The following PDE4B variants were observed in gnomAD, a reference collection of about 807,000 sequenced individuals.
PDE4B encodes the protein phosphodiesterase 4B, also known as 3',5'-cyclic-AMP phosphodiesterase 4B.
In PDE4B, 20 loss-of-function variants were observed where a neutral mutation model predicts 82.2. The ratio of observed to expected loss-of-function variants is 0.24; its 90% confidence interval spans 0.17 to 0.35. The LOEUF (loss-of-function observed/expected upper bound fraction) is 0.35. PDE4B is among the 10% of genes least tolerant of loss of function. The probability of loss-of-function intolerance (pLI) is 1.00; values close to 1 mark genes in which losing one functional copy is unlikely to be tolerated. For synonymous variants in PDE4B, 320 were observed against 318.9 expected, an observed-to-expected ratio of 1.00 and a Z score of -0.04; for missense variants, 655 against 907.2, an observed-to-expected ratio of 0.72 and a Z score of 3.57.
At chr1:66,322,904 A>C (rs1353177719) in intron 7 of PDE4B, among the ~76,000 whole-genome samples, 1 of 152,146 alleles carries the variant, frequency 6.6e-6, no homozygotes, top group Admixed American at 6.5e-5. Flanking sequence ...TGAGGAAATT[A>C]AGGCTTAGAG....
At chr1:66,288,947 T>C (rs559328954) in intron 7 of PDE4B, among the ~76,000 whole-genome samples, 1 of 152,338 alleles carries the variant, frequency 6.6e-6, no homozygotes, top group South Asian at 2.1e-4. Flanking sequence ...TGGTTTCAAC[T>C]GCACAGATTA....
chr1:66,080,819 G>A (rs1387126472), intron 3 of PDE4B, among the ~76,000 whole-genome samples: 1 of 152,048 alleles, frequency 6.6e-6, no homozygotes. Flanking sequence ...ATTGTATAAC[G>A]CTGAGGTTTG....
At chr1:66,232,876 C>T (rs141285451) in intron 3 of PDE4B, among the ~76,000 whole-genome samples, 2 of 152,132 alleles carry the variant, frequency 1.3e-5, no homozygotes, top group East Asian at 1.9e-4. Context: ...ATGGAGACAG[C>T]AATAAAGACA....
rs1651000095 is a variant in PDE4B, at chr1:65,987,231, C to T, written c.281+68396C>T. On this transcript the variant is annotated intron_variant, in intron 3 of 16. Transcript: ENST00000341517. ...ATGCTCAAGCATCTAGGATACAAGC[C>T]TCCCACCTAGGATTCAGGTGACTCT... 1.3e-5 allele frequency among the ~76,000 whole-genome samples: 2 copies of T among 152,122 alleles called. 1 individual carries two copies. The highest frequency in any genetic ancestry group is 4.2e-4 in the South Asian group (2 of 4,816).
intron 3 of PDE4B, among the ~76,000 whole-genome samples, chr1:66,229,146 T>G (rs1415856079): frequency 6.7e-6 from 1 of 150,032 alleles, no homozygotes; most frequent in Non-Finnish European, 1.5e-5. Context: ...TAGCTAGGAT[T>G]ACAGGCGCCC....
At chr1:66,271,416 T>C (rs1342956995) in intron 7 of PDE4B, among the ~76,000 whole-genome samples, 1 of 152,178 alleles carries the variant, frequency 6.6e-6, no homozygotes, top group South Asian at 2.1e-4. Flanking sequence ...GAATCATGCA[T>C]GTTAGTAAGT....
At chr1:65,856,450 G>A (rs183875666) in intron 1 of PDE4B, among the ~76,000 whole-genome samples, 1 of 152,208 alleles carries the variant, frequency 6.6e-6, no homozygotes, top group African/African-American at 2.4e-5. Context: ...TTCTGTTCTT[G>A]TGTTAGTTTG....
At chr1:65,921,551 T>C (rs1025600515) in intron 3 of PDE4B, among the ~76,000 whole-genome samples, 3 of 152,200 alleles carry the variant, frequency 2.0e-5, no homozygotes, top group African/African-American at 7.2e-5. Context: ...GCAAATGTTT[T>C]CTCTAAAGGA....
intron 3 of PDE4B, among the ~76,000 whole-genome samples, chr1:66,213,877 C>T (rs2101583999): frequency 6.6e-6 from 1 of 152,264 alleles, no homozygotes; most frequent in East Asian, 1.9e-4. Flanking sequence ...TTATCTCATT[C>T]ATAACTACAT....
intron 3 of PDE4B, among the ~76,000 whole-genome samples, chr1:66,150,010 T>C (rs1176450090): frequency 1.3e-5 from 2 of 152,216 alleles, no homozygotes; most frequent in African/African-American, 4.8e-5. Flanking sequence ...GAAAAGACTG[T>C]TCTTTCCCCA....
chr1:66,286,698 A>G (rs894677210), intron 7 of PDE4B, among the ~76,000 whole-genome samples: 2 of 152,172 alleles, frequency 1.3e-5, no homozygotes, highest in African/African-American at 4.8e-5. Flanking sequence ...TTGTGGTCAC[A>G]GGGTCAGGAC....
intron 1 of PDE4B, among the ~76,000 whole-genome samples, chr1:65,848,496 A>G (rs1646292942): frequency 6.6e-6 from 1 of 152,078 alleles, no homozygotes; most frequent in Non-Finnish European, 1.5e-5. Context: ...CACAATCAAC[A>G]TGTAGGCCTT....
At chr1:65,859,049 C>T (rs1182572942) in intron 1 of PDE4B, among the ~76,000 whole-genome samples, 1 of 152,102 alleles carries the variant, frequency 6.6e-6, no homozygotes, top group Non-Finnish European at 1.5e-5. Context: ...CAATTATTCA[C>T]CTTCAGATAT....
chr1:66,271,945 G>T (rs980166148), intron 7 of PDE4B, among the ~76,000 whole-genome samples: 1 of 152,226 alleles, frequency 6.6e-6, no homozygotes, highest in Non-Finnish European at 1.5e-5. Flanking sequence ...TGCGTGGCAT[G>T]TCGCTGCATC....
At chr1:66,187,518 A>G (rs534121775) in intron 3 of PDE4B, among the ~76,000 whole-genome samples, 429 of 152,274 alleles carry the variant, frequency 2.8e-3, no homozygotes, top group Non-Finnish European at 5.2e-3. Context: ...AGACCCTGTT[A>G]TTGGTCTATT....
intron 1 of PDE4B, among the ~76,000 whole-genome samples, chr1:65,911,049 G>A (rs183939808): frequency 4.0e-5 from 6 of 151,856 alleles, no homozygotes; most frequent in Admixed American, 6.6e-5. Flanking sequence ...TGCTTTTTCC[G>A]AGTCAGGACA....
chr1:65,982,741 G>A (rs1274311699), intron 3 of PDE4B, among the ~76,000 whole-genome samples: 3 of 152,168 alleles, frequency 2.0e-5, no homozygotes, highest in Admixed American at 6.6e-5. Context: ...AAGGAAAATG[G>A]TCAGACTTCT....
At chr1:66,170,797 G>T (rs1646822625) in intron 3 of PDE4B, among the ~76,000 whole-genome samples, 1 of 152,270 alleles carries the variant, frequency 6.6e-6, no homozygotes, top group East Asian at 1.9e-4. Flanking sequence ...AATGCAAAGG[G>T]TATCACAAAC....
intron 1 of PDE4B, among the ~76,000 whole-genome samples, chr1:65,890,038 AT>A (rs1368490459): frequency 3.3e-5 from 5 of 152,118 alleles, no homozygotes; most frequent in Non-Finnish European, 7.4e-5. Context: ...TAATGAAAAA[AT>A]ATCCTATCTG....
Sources: gnomAD v4.1 joint callset for allele counts (sites outside exome capture counted in the v4.1 genomes callset) on GRCh38, gnomAD v4.1.1 for gene constraint, MANE v1.5 for transcripts, NCBI Gene and HGNC (gene_info 2026-07-23, HGNC 2026-07-21) for gene names.